NHSL2: variants seen among roughly 807,000 people sequenced by gnomAD.
The protein encoded by NHSL2 is NHS like 2.
A neutral mutation model predicts 53.4 loss-of-function variants in NHSL2; 27 were observed. That is an observed-to-expected ratio of 0.51 (90% confidence interval 0.37 to 0.70). NHSL2 has a LOEUF of 0.70. Among genes scored for constraint, NHSL2 ranks in the 30% least tolerant of loss-of-function variants. The pLI, the probability that NHSL2 is intolerant of heterozygous loss-of-function variation, is 0.00. For missense variants in NHSL2, 892 were observed against 980.1 expected (o/e 0.91, Z 1.20); for synonymous variants, 408 against 404.1 (o/e 1.01, Z -0.12).
At chrX:72,051,352 T>G (rs928959917) in intron 1 of NHSL2, among the ~76,000 whole-genome samples, 1 of 112,505 alleles carries the variant, frequency 8.9e-6, no homozygotes, top group Non-Finnish European at 1.9e-5. Flanking sequence ...TGTATGTACC[T>G]AGAAAGAAGT....
chrX:72,069,794 C>T (rs2042456127), intron 1 of NHSL2: 1 of 734,665 alleles, frequency 1.4e-6, no homozygotes, highest in African/African-American at 2.2e-5. Context: ...GCTCCTACAG[C>T]CAGGGCCTCC....
intron 1 of NHSL2, among the ~76,000 whole-genome samples, chrX:72,109,782 T>C (rs1316221103): frequency 9.0e-6 from 1 of 111,424 alleles, no homozygotes; most frequent in Non-Finnish European, 1.9e-5. Context: ...AGGGTCTTCA[T>C]TGAGAAAGGC....
intron 1 of NHSL2, among the ~76,000 whole-genome samples, chrX:72,042,754 C>CAAAAAA (rs5902691): frequency 1.1e-5 from 1 of 95,093 alleles, no homozygotes. Context: ...ATCCCTGAGC[C>CAAAAAA]AAAAAAAAAA....
intron 1 of NHSL2, among the ~76,000 whole-genome samples, chrX:72,019,281 T>G (rs1261655542): frequency 8.9e-6 from 1 of 112,165 alleles, no homozygotes; most frequent in African/African-American, 3.2e-5. Flanking sequence ...GTGACCTTGG[T>G]CATTTCATTA....
intron 1 of NHSL2, among the ~76,000 whole-genome samples, chrX:71,963,538 G>C (rs1238253190): frequency 9.0e-6 from 1 of 111,059 alleles, no homozygotes; most frequent in Non-Finnish European, 1.9e-5. Flanking sequence ...ACTACATGCT[G>C]TCTCTAGGAG....
At chrX:72,069,079 C>T (rs1369988667) in intron 1 of NHSL2, among the ~76,000 whole-genome samples, 1 of 112,546 alleles carries the variant, frequency 8.9e-6, no homozygotes, top group Non-Finnish European at 1.9e-5. Context: ...TCCTGGGTAG[C>T]ACATTCCTTC....
intron 1 of NHSL2, among the ~76,000 whole-genome samples, chrX:72,015,964 A>G (rs984575286): frequency 1.8e-5 from 2 of 111,158 alleles, no homozygotes; most frequent in Non-Finnish European, 3.8e-5. Context: ...TCTTTTGCCT[A>G]AAAAAAAATT....
rs895637611 is a variant in NHSL2 at position 71,911,115 on chromosome X, C to G, written c.28C>G (p.Pro10Ala). ...GCCGTTCTACAGGCGCACGGTGGTA[C>G]CCCAGCGCCTGTGCCCGCGCAACCC... is the stretch of plus-strand genomic sequence containing the variant. MPFYRRTVV[P>A]QRLCPRNPPQ... Residue 10 changes from proline to alanine, a missense_variant, in exon 1 of 8, where the codon CCC (proline) becomes GCC (alanine). Coordinates refer to ENST00000633930, the MANE Select transcript of NHSL2 (RefSeq NM_001013627.3). 1.2e-5 allele frequency: 13 copies of G among 1,090,742 alleles called. No homozygotes were observed. The highest frequency in any genetic ancestry group is 1.5e-5 in the Non-Finnish European group (13 of 839,121). 89.9% of individuals were successfully genotyped at this position (1,090,742 alleles called of 1,213,427 possible). A position where few individuals can be genotyped will look rare whatever the true frequency, so the allele number is the denominator to read the frequency against.
intron 1 of NHSL2, among the ~76,000 whole-genome samples, chrX:72,064,744 T>C (rs987504860): frequency 8.9e-6 from 1 of 112,572 alleles, no homozygotes; most frequent in African/African-American, 3.2e-5. Flanking sequence ...TCTCCTCCCC[T>C]GGTGTGCCTA....
chrX:72,085,542 C>G lies in NHSL2; in HGVS notation c.281-46537C>G, dbSNP rs1485870719. Among the ~76,000 whole-genome samples, 4 of 111,159 alleles carry G rather than the reference C, an allele frequency of 3.6e-5. No individual in the cohort carries two copies. The Admixed American group carries it at 3.8e-4, about 11-fold the overall frequency. On this transcript the variant is annotated intron_variant, in intron 1 of 7. Transcript: ENST00000633930. ...AACTTGAGAAAACTGGGATCAAAAT[C>G]CAGTTAGTTCCTTTTGAGCTGTAAG...
At chrX:72,039,660 C>G (rs1330522943) in intron 1 of NHSL2, among the ~76,000 whole-genome samples, 2 of 111,906 alleles carry the variant, frequency 1.8e-5, no homozygotes, top group African/African-American at 6.5e-5. Context: ...GTATTGAGGA[C>G]TCAGCCAGAG....
At chrX:72,006,452 C>G (rs771364376) in intron 1 of NHSL2, among the ~76,000 whole-genome samples, 10 of 112,214 alleles carry the variant, frequency 8.9e-5, no homozygotes, top group Non-Finnish European at 1.9e-4. Flanking sequence ...CTGGGATGCT[C>G]TTTGACCCTC....
intron 1 of NHSL2, among the ~76,000 whole-genome samples, chrX:72,074,925 A>G (rs1283452940): frequency 1.8e-5 from 2 of 112,335 alleles, no homozygotes; most frequent in African/African-American, 6.5e-5. Context: ...TTAGATTTCC[A>G]TTAATGTTGT....
rs1437560580 is a variant in NHSL2 at position 72,144,048 on chromosome X, A to G, written c.*474A>G. ...GATGGCCCTGTGTGCAAACACAGAA[A>G]GACTCTGATGCCTCCTCAACCACAG... On this transcript the variant is annotated 3_prime_UTR_variant, in exon 8 of 8. Coordinates refer to ENST00000633930, the MANE Select transcript of NHSL2 (RefSeq NM_001013627.3). 1 of 123,904 alleles carries G rather than the reference A, an allele frequency of 8.1e-6. No individual in the cohort carries two copies. The highest frequency in any genetic ancestry group is 2.6e-4 in the East Asian group (1 of 3,915). 10.2% of individuals were successfully genotyped at this position (123,904 alleles called of 1,213,427 possible). A position where few individuals can be genotyped will look rare whatever the true frequency, so the allele number is the denominator to read the frequency against.
chrX:71,980,563 GTGT>G (rs2041972326), intron 1 of NHSL2, among the ~76,000 whole-genome samples: 6 of 5,966 alleles, frequency 1.0e-3, no homozygotes, highest in African/African-American at 1.3e-3. Flanking sequence ...TGTGTGGGGT[GTGT>G]GGGGTGTGTG....
At chrX:72,111,799 A>G (rs1188163431) in intron 1 of NHSL2, among the ~76,000 whole-genome samples, 1 of 111,704 alleles carries the variant, frequency 9.0e-6, no homozygotes, top group African/African-American at 3.3e-5. Flanking sequence ...ACCACTTGCC[A>G]TGCGCCAAGC....
chrX:71,920,844 G>A (rs1440115642), intron 1 of NHSL2, among the ~76,000 whole-genome samples: 1 of 110,354 alleles, frequency 9.1e-6, no homozygotes, highest in Non-Finnish European at 1.9e-5. Flanking sequence ...TTGCTCTGTC[G>A]CCCAGCTGGA....
intron 1 of NHSL2, among the ~76,000 whole-genome samples, chrX:71,963,996 T>C (rs1003445166): frequency 9.9e-5 from 4 of 40,555 alleles, no homozygotes; most frequent in East Asian, 2.0e-3. Flanking sequence ...TATATATGTA[T>C]ATACATATAT....
rs1236644174 is a variant in NHSL2 at position 72,117,085 on chromosome X, G to A, written c.281-14994G>A. ...AGATCAAGACCCAGGTCAGATGATT[G>A]GGGTGGGCATGTGGTGAGCTTGAAA... is the stretch of plus-strand genomic sequence containing the variant. On this transcript the variant is annotated intron_variant, in intron 1 of 7. Transcript: ENST00000633930. Among the ~76,000 whole-genome samples, 5 of 110,370 alleles carry A rather than the reference G, an allele frequency of 4.5e-5. No individual in the cohort carries two copies. The East Asian group carries it at 1.4e-3, about 31-fold the overall frequency.
Sources: allele counts gnomAD v4.1 joint callset (sites outside exome capture counted in the v4.1 genomes callset), GRCh38; gene constraint gnomAD v4.1.1; transcripts MANE v1.5; gene names NCBI Gene and HGNC (gene_info 2026-07-23, HGNC 2026-07-21).